Variants in ADGRV1 observed in about 807,000 individuals in gnomAD.
The protein encoded by ADGRV1 is G-protein coupled receptor 98.
In ADGRV1, 359 loss-of-function variants were observed where a neutral mutation model predicts 596.2. The observed-to-expected ratio is 0.60, with a 90% confidence interval of 0.55 to 0.66. The LOEUF is 0.66. Among genes scored for constraint, ADGRV1 ranks in the 30% least tolerant of loss-of-function variants. The pLI, the probability that ADGRV1 is intolerant of heterozygous loss-of-function variation, is 0.00. For missense variants in ADGRV1, 7,274 were observed against 7,575.6 expected, an observed-to-expected ratio of 0.96 and a Z score of 1.48; for synonymous variants, 2,681 against 2,679.2, an observed-to-expected ratio of 1.00 and a Z score of -0.02.
intron 83 of ADGRV1, among the ~76,000 whole-genome samples, chr5:90,885,229 T>C (rs1156967657): frequency 6.6e-6 from 1 of 152,160 alleles, no homozygotes; most frequent in Non-Finnish European, 1.5e-5. Flanking sequence ...GTTCAAGATG[T>C]TTTTCTGCTA....
chr5:90,721,541 TA>T (rs1200312239), intron 45 of ADGRV1, among the ~76,000 whole-genome samples: 2 of 19,348 alleles, frequency 1.0e-4, no homozygotes, highest in Non-Finnish European at 1.5e-4. Flanking sequence ...AAAAATAAAA[TA>T]AAATAAAATA....
At chr5:90,844,895 A>G (rs919109099) in intron 78 of ADGRV1, among the ~76,000 whole-genome samples, 5 of 152,082 alleles carry the variant, frequency 3.3e-5, no homozygotes, top group Non-Finnish European at 2.9e-5. Context: ...GTTTGTGTAA[A>G]CTGGCCTTGT....
chr5:90,791,556 T>C, intron 70 of ADGRV1: 1 of 540,844 alleles, frequency 1.8e-6, no homozygotes, highest in Non-Finnish European at 3.3e-6. Flanking sequence ...TAGATTTTTG[T>C]GTAGAAAGTA....
intron 70 of ADGRV1, among the ~76,000 whole-genome samples, chr5:90,797,482 T>A (rs999391946): frequency 6.6e-6 from 1 of 151,860 alleles, no homozygotes; most frequent in Non-Finnish European, 1.5e-5. Context: ...AAAAGCAAGT[T>A]CTTAGAGACC....
chr5:90,611,972 C>T (rs1762778551), intron 1 of ADGRV1, among the ~76,000 whole-genome samples: 1 of 151,838 alleles, frequency 6.6e-6, no homozygotes, highest in African/African-American at 2.4e-5. Context: ...GCCAACTTTG[C>T]CCGAACAACT....
intron 29 of ADGRV1, among the ~76,000 whole-genome samples, chr5:90,688,064 C>T (rs1222104363): frequency 6.6e-6 from 1 of 152,010 alleles, no homozygotes; most frequent in Admixed American, 6.6e-5. Flanking sequence ...TCATATGGAA[C>T]CAAAAAAGAG....
chr5:90,932,251 G>C (rs114928505), intron 83 of ADGRV1, among the ~76,000 whole-genome samples: 1,864 of 152,122 alleles, frequency 0.012, 32 homozygotes, highest in African/African-American at 0.042. Context: ...TCGTGTAAAA[G>C]GTACTTTTCC....
intron 69 of ADGRV1, among the ~76,000 whole-genome samples, chr5:90,790,055 T>C (rs1561737463): frequency 6.6e-6 from 1 of 152,230 alleles, no homozygotes; most frequent in Non-Finnish European, 1.5e-5. Context: ...AAATTAAAAT[T>C]GGTTACAGTT....
At chr5:90,988,653 T>A (rs1046362788) in intron 85 of ADGRV1, among the ~76,000 whole-genome samples, 6 of 152,296 alleles carry the variant, frequency 3.9e-5, no homozygotes, top group South Asian at 2.1e-4. Context: ...CTTTTTTTTT[T>A]ATTATACTTT....
intron 76 of ADGRV1, among the ~76,000 whole-genome samples, chr5:90,824,400 G>A (rs1288223554): frequency 6.6e-6 from 1 of 152,208 alleles, no homozygotes; most frequent in African/African-American, 2.4e-5. Context: ...AGATCTATAT[G>A]TATGTACTAC....
intron 86 of ADGRV1, among the ~76,000 whole-genome samples, chr5:91,072,806 T>C (rs1165418044): frequency 6.6e-6 from 1 of 152,184 alleles, no homozygotes; most frequent in Non-Finnish European, 1.5e-5. Context: ...GTAGGTTTTA[T>C]TGTTCATTCC....
chr5:90,609,563 A>G (rs1432586957), intron 1 of ADGRV1, among the ~76,000 whole-genome samples: 1 of 152,012 alleles, frequency 6.6e-6, no homozygotes, highest in Non-Finnish European at 1.5e-5. Context: ...AGACAGATTA[A>G]GAATGCTTAG....
At chr5:90,688,199 T>G (rs990066165) in intron 29 of ADGRV1, among the ~76,000 whole-genome samples, 5 of 151,970 alleles carry the variant, frequency 3.3e-5, no homozygotes, top group African/African-American at 4.8e-5. Flanking sequence ...AAAACAGAGA[T>G]ATAGATCAAT....
chr5:90,622,597 C>G lies in ADGRV1; in HGVS notation c.454C>G (p.Leu152Val). Residue 152 changes from leucine (L) to valine (V), a missense_variant and splice_region_variant, in exon 5 of 90, where the codon CTT (leucine) becomes GTT (valine). Leu to Val is a conservative substitution (Grantham distance 32). Transcript: ENST00000405460. ...NAFGIISFNM[L>V]PSIAVSEPKG... Reference sequence around the variant, plus strand: ...CATCTGTGCTTGCTTTCCTCAATAGCTTCCCTCAATCGCAGTGAGTGAGCC... The same window carrying G: ...CATCTGTGCTTGCTTTCCTCAATAGGTTCCCTCAATCGCAGTGAGTGAGCC... 1 of 1,424,126 alleles carries G rather than the reference C, an allele frequency of 7.0e-7. No individual in the cohort carries two copies. Among genetic ancestry groups the G allele is most frequent in the Non-Finnish European group, 9.3e-7 (1 of 1,080,632 alleles). The allele number at this position is 1,424,126 out of a possible 1,614,324, so 88.2% of individuals were successfully genotyped here.
intron 17 of ADGRV1, 63 bp downstream of exon 17, chr5:90,647,827 C>T (rs926144188): frequency 7.1e-7 from 1 of 1,418,378 alleles, no homozygotes; most frequent in Non-Finnish European, 9.7e-7. Context: ...TGAAATTAAG[C>T]ACTGCAGTCC....
chr5:90,903,814 TA>T (rs1276813891), intron 83 of ADGRV1, among the ~76,000 whole-genome samples: 1 of 151,996 alleles, frequency 6.6e-6, no homozygotes, highest in African/African-American at 2.4e-5. Context: ...ACAATTAAAT[TA>T]TTATTGACTA....
chr5:90,635,323 A>G lies in ADGRV1; in HGVS notation c.2016+33A>G, dbSNP rs777956208. On this transcript the variant is annotated intron_variant, in intron 10 of 89. Coordinates refer to ENST00000405460, the MANE Select transcript of ADGRV1 (RefSeq NM_032119.4). Reference sequence around the variant, plus strand: ...GGCTCTTTCTTACTGATGGGGGCTAATGAGTATGAAGTAATGTACAGACAC... The same window carrying G: ...GGCTCTTTCTTACTGATGGGGGCTAGTGAGTATGAAGTAATGTACAGACAC... 3 of 1,562,724 alleles carry G rather than the reference A, an allele frequency of 1.9e-6. No homozygotes were observed. In the South Asian group the frequency reaches 3.6e-5, roughly 19 times the overall value.
At chr5:91,145,301 CTG>C (rs1198237187) in intron 87 of ADGRV1, among the ~76,000 whole-genome samples, 1 of 152,226 alleles carries the variant, frequency 6.6e-6, no homozygotes, top group African/African-American at 2.4e-5. Context: ...GGAGAATACA[CTG>C]TTTTAACAAA....
At chr5:90,602,399 C>A (rs191253289) in intron 1 of ADGRV1, among the ~76,000 whole-genome samples, 2 of 152,278 alleles carry the variant, frequency 1.3e-5, no homozygotes, top group Admixed American at 1.3e-4. Flanking sequence ...ACAAATACCA[C>A]CTCGGCCAGG....
Sources: gnomAD v4.1 joint callset for allele counts (sites outside exome capture counted in the v4.1 genomes callset) on GRCh38, gnomAD v4.1.1 for gene constraint, MANE v1.5 for transcripts, NCBI Gene and HGNC (gene_info 2026-07-23, HGNC 2026-07-21) for gene names.